The following TMEM132B variants were observed in gnomAD, a reference collection of about 807,000 sequenced individuals.
The protein encoded by TMEM132B is transmembrane protein 132B.
TMEM132B carries 18 observed loss-of-function variants against 90.8 expected under a neutral mutation model. The observed-to-expected ratio is 0.20, with a 90% confidence interval of 0.14 to 0.29. The LOEUF (loss-of-function observed/expected upper bound fraction) is 0.29. TMEM132B is among the 10% of genes least tolerant of loss of function. The pLI is 1.00. For missense variants in TMEM132B, 1,096 were observed against 1,326.8 expected (o/e 0.83, Z 2.70); for synonymous variants, 504 against 523.3 (o/e 0.96, Z 0.50).
At chr12:125,593,583 C>G (rs959060376) in intron 5 of TMEM132B, among the ~76,000 whole-genome samples, 1 of 152,118 alleles carries the variant, frequency 6.6e-6, no homozygotes, top group Non-Finnish European at 1.5e-5. Flanking sequence ...GATATCAGGC[C>G]TGATCCAATA....
chr12:125,561,085 C>A (rs902552626), intron 4 of TMEM132B, among the ~76,000 whole-genome samples: 1 of 151,990 alleles, frequency 6.6e-6, no homozygotes, highest in Non-Finnish European at 1.5e-5. Flanking sequence ...ATGTTTATTG[C>A]GGCACTATTC....
At chr12:125,568,427 C>T (rs576411943) in intron 4 of TMEM132B, among the ~76,000 whole-genome samples, 4 of 152,278 alleles carry the variant, frequency 2.6e-5, no homozygotes, top group Admixed American at 2.0e-4. Context: ...AATCTTCAGC[C>T]ACTCCCCTTT....
intron 1 of TMEM132B, among the ~76,000 whole-genome samples, chr12:125,295,500 C>CTGTGTGTGTG (rs149003076): frequency 0.11 from 15,449 of 141,832 alleles, 1,058 homozygotes; most frequent in African/African-American, 0.17. Flanking sequence ...TCCATGAAAC[C>CTGTGTGTGTG]TGTGTGTGTG....
intron 4 of TMEM132B, among the ~76,000 whole-genome samples, chr12:125,566,074 A>G (rs1447592166): frequency 6.6e-6 from 1 of 152,208 alleles, no homozygotes; most frequent in African/African-American, 2.4e-5. Flanking sequence ...TGTAAGTTTT[A>G]TCTACCCCAA....
intron 1 of TMEM132B, chr12:125,327,649 C>T (rs1396081830): frequency 6.6e-6 from 1 of 152,318 alleles, no homozygotes; most frequent in East Asian, 1.9e-4. Context: ...CACCAGCCAA[C>T]CAGGAAGGAA....
rs187212495 is a variant in TMEM132B at position 125,556,584 on chromosome 12, T to A, written c.1294-27267T>A. Among the ~76,000 whole-genome samples, 44 of 152,326 alleles carry A rather than the reference T, an allele frequency of 2.9e-4. No homozygotes were observed. In the East Asian group the frequency reaches 7.9e-3, roughly 27 times the overall value. On this transcript the variant is annotated intron_variant, in intron 4 of 8. Coordinates refer to ENST00000682704, the MANE Select transcript of TMEM132B (RefSeq NM_001366854.1). ...AGTCTTTGAGAAAACCAGTTCCGTA[T>A]GAATAAGAGCTCAAACTAATCGGAG...
chr12:125,590,260 C>T (rs139192461), intron 5 of TMEM132B, among the ~76,000 whole-genome samples: 1 of 152,322 alleles, frequency 6.6e-6, no homozygotes, highest in Non-Finnish European at 1.5e-5. Flanking sequence ...ACAACGTCCA[C>T]ATTCATATCC....
chr12:125,612,080 C>T (rs1885842890), intron 5 of TMEM132B, among the ~76,000 whole-genome samples: 1 of 152,036 alleles, frequency 6.6e-6, no homozygotes, highest in Non-Finnish European at 1.5e-5. Flanking sequence ...AGATCTGGGG[C>T]TCTGTTTTTT....
At chr12:125,322,067 T>G (rs1431252965) in intron 1 of TMEM132B, among the ~76,000 whole-genome samples, 2 of 152,206 alleles carry the variant, frequency 1.3e-5, no homozygotes, top group East Asian at 1.9e-4. Context: ...ATACTGTGTG[T>G]TGATATGGTT....
intron 4 of TMEM132B, among the ~76,000 whole-genome samples, chr12:125,554,437 A>G (rs1884320121): frequency 6.9e-6 from 1 of 145,404 alleles, no homozygotes; most frequent in Non-Finnish European, 1.5e-5. Context: ...TAAAAAAAAA[A>G]AAAAAAAAAA....
At chr12:125,343,101 C>T (rs957753) in intron 1 of TMEM132B, among the ~76,000 whole-genome samples, 47,752 of 152,030 alleles carry the variant, frequency 0.31, 7,708 homozygotes, top group South Asian at 0.43. Context: ...GAATTTACAG[C>T]ATCACCCCAC....
intron 7 of TMEM132B, 130 bp from the exon 8 acceptor site, chr12:125,652,311 C>A: frequency 1.3e-6 from 1 of 787,318 alleles, no homozygotes; most frequent in South Asian, 2.1e-5. Context: ...ATAATACTTC[C>A]CTAACCGATT....
In TMEM132B at chr12:125,349,868, C is replaced by A; in HGVS notation, c.484C>A (p.Pro162Thr). The change falls in exon 2 of 9, where the codon CCC becomes ACC. Residue 162 changes from proline to threonine, a missense_variant. Transcript: ENST00000682704. The surrounding 1 kb of genome is among the most constrained non-coding windows in gnomAD (Gnocchi z 4.1). ...TGACAGTGACCTTACGGAAGATCTA[C>A]CCTGTGTCAAGATGTTTGCTTTCCC... ...WDDSDLTEDL[P>T]CVKMFAFPEA... The A allele has an allele frequency of 6.2e-7, 1 of 1,614,198 alleles. No homozygotes were observed. Among genetic ancestry groups the A allele is most frequent in the Non-Finnish European group, 8.5e-7 (1 of 1,180,042 alleles).
chr12:125,422,007 GT>G (rs1450075035), intron 3 of TMEM132B, among the ~76,000 whole-genome samples: 1 of 152,148 alleles, frequency 6.6e-6, no homozygotes, highest in Non-Finnish European at 1.5e-5. Flanking sequence ...AAAATATTTT[GT>G]TGAAAGGTAA....
chr12:125,554,064 A>G (rs1884307254), intron 4 of TMEM132B, among the ~76,000 whole-genome samples: 1 of 152,246 alleles, frequency 6.6e-6, no homozygotes, highest in Non-Finnish European at 1.5e-5. Context: ...ATATTTATTT[A>G]GCATATTGTA....
At chr12:125,641,907 A>G (rs899640952) in intron 5 of TMEM132B, among the ~76,000 whole-genome samples, 1 of 152,230 alleles carries the variant, frequency 6.6e-6, no homozygotes, top group Non-Finnish European at 1.5e-5. Flanking sequence ...AGTTCTGGCA[A>G]TAGGTGATAA....
intron 2 of TMEM132B, among the ~76,000 whole-genome samples, chr12:125,364,524 A>G (rs1593106186): frequency 6.6e-6 from 1 of 152,256 alleles, no homozygotes; most frequent in East Asian, 1.9e-4. Flanking sequence ...TAGTATGTAC[A>G]TTATTAGCTA....
chr12:125,572,490 G>C (rs1593000092), intron 4 of TMEM132B, among the ~76,000 whole-genome samples: 1 of 152,162 alleles, frequency 6.6e-6, no homozygotes, highest in African/African-American at 2.4e-5. Flanking sequence ...CTTGATCTTA[G>C]ACTTCCCAGC....
intron 3 of TMEM132B, among the ~76,000 whole-genome samples, chr12:125,470,457 A>C (rs1261283647): frequency 6.6e-6 from 1 of 152,152 alleles, no homozygotes; most frequent in Non-Finnish European, 1.5e-5. Flanking sequence ...TGCTCTTGAT[A>C]CAACTTTTTA....
Sources: gnomAD v4.1 joint callset for allele counts (sites outside exome capture counted in the v4.1 genomes callset) on GRCh38, gnomAD v4.1.1 for gene constraint, Gnocchi (gnomAD v3.1) non-coding constraint, MANE v1.5 for transcripts, NCBI Gene and HGNC (gene_info 2026-07-23, HGNC 2026-07-21) for gene names.